The following DENND2C variants were observed in gnomAD, a reference collection of about 807,000 sequenced individuals.
The protein encoded by DENND2C is DENN domain containing 2C, also known as DENN domain-containing protein 2C.
In DENND2C, 72 loss-of-function variants were observed where a neutral mutation model predicts 112.4. That is an observed-to-expected ratio of 0.64 (90% CI 0.53 to 0.78). The LOEUF is 0.78. DENND2C is among the 30% of genes least tolerant of loss of function. DENND2C has a pLI of 0.00. For missense variants in DENND2C, 992 were observed against 1,113.8 expected (o/e 0.89, Z 1.56); for synonymous variants, 329 against 381.6 (o/e 0.86, Z 1.61).
At chr1:114,598,708 G>A (rs771743021) in intron 16 of DENND2C, among the ~76,000 whole-genome samples, 16 of 152,098 alleles carry the variant, frequency 1.1e-4, no homozygotes, top group Admixed American at 5.2e-4. Context: ...TTGAGACAGC[G>A]TCTCCCTCTG....
intron 3 of DENND2C, among the ~76,000 whole-genome samples, chr1:114,639,631 T>C (rs1449569463): frequency 9.9e-5 from 15 of 151,746 alleles, no homozygotes; most frequent in Admixed American, 8.5e-4. Flanking sequence ...ATTTATCAGC[T>C]CTTAATTTTC....
At chr1:114,585,685 A>G in intron 20 of DENND2C, 54 bp from the exon 21 acceptor site, 1 of 1,573,496 alleles carries the variant, frequency 6.4e-7, no homozygotes, top group Non-Finnish European at 8.7e-7. Flanking sequence ...TTTATTGTAC[A>G]TTATTTGAGG....
chr1:114,662,611 C>G (rs373564388), intron 1 of DENND2C, among the ~76,000 whole-genome samples: 2 of 151,616 alleles, frequency 1.3e-5, no homozygotes, highest in Non-Finnish European at 2.9e-5. Flanking sequence ...TCTGTTTTCA[C>G]GCCACTAACC....
rs780253098 is a variant in DENND2C at position 114,594,585 on chromosome 1, A to G, written c.2326-7T>C. On this transcript the variant is annotated splice_polypyrimidine_tract_variant and splice_region_variant and intron_variant, in intron 17 of 20. Transcript: ENST00000393274. ...TTTCATCCTCATCAGATACCTTAAG[A>G]AGAAAAAAAAATGGAGATTTTTCTT... 3.0e-5 allele frequency: 48 copies of G among 1,607,456 alleles called. 1 individual carries two copies. In the East Asian group the frequency reaches 1.0e-3, roughly 34 times the overall value.
Position 114,608,773 on chromosome 1 carries a change from C to T in DENND2C, c.1470G>A (p.Leu490=). 1.2e-6 allele frequency: 2 copies of T among 1,614,212 alleles called. No individual in the cohort carries two copies. The highest frequency in any genetic ancestry group is 1.7e-6 in the Non-Finnish European group (2 of 1,180,042). The change falls in exon 10 of 21, where the codon CTG becomes CTA. Residue 490 remains leucine (L), a synonymous_variant. Transcript: ENST00000393274. ...RDLIELQEQQ[L]FELFVVVSLQ... ...GAGACACCACCACAAAAAGTTCAAA[C>T]AGCTGCTGCTCCTGTAATTCAATAA...
Position 114,625,841 on chromosome 1 carries a change from C to T in DENND2C, c.144G>A (p.Val48=), listed in dbSNP as rs1656325918. ...GGATCTCTTGGTGACAGTTATATCT[C>T]ACTCCAAAGTCCTTTGGACACCACT... ...PEKWCPKDFG[V]RYNCHQEIRL... The change falls in exon 4 of 21, where the codon GTG becomes GTA. Residue 48 remains valine, a synonymous_variant. Coordinates refer to ENST00000393274, the MANE Select transcript of DENND2C (RefSeq NM_001256404.2). 2 of 1,613,962 alleles carry T rather than the reference C, an allele frequency of 1.2e-6. No individual in the cohort carries two copies. The highest frequency in any genetic ancestry group is 2.7e-5 in the African/African-American group (2 of 74,908).
At chr1:114,600,156 A>C (rs1398371343) in intron 15 of DENND2C, 48 bp downstream of exon 15, 8 of 1,564,154 alleles carry the variant, frequency 5.1e-6, no homozygotes, top group Non-Finnish European at 6.9e-6. Flanking sequence ...TAAAATTTGG[A>C]ACAAATAAAA....
At position 114,594,590 on chromosome 1, in the gene DENND2C, A is replaced by G; in HGVS notation, c.2326-12T>C. ...TCCTCATCAGATACCTTAAGAAGAA[A>G]AAAAAATGGAGATTTTTCTTTGTTT... On this transcript the variant is annotated splice_polypyrimidine_tract_variant and intron_variant, in intron 17 of 20. Coordinates refer to ENST00000393274, the MANE Select transcript of DENND2C (RefSeq NM_001256404.2). 1.2e-6 allele frequency: 2 copies of G among 1,602,310 alleles called. No homozygotes were observed. Among genetic ancestry groups the G allele is most frequent in the Non-Finnish European group, 1.7e-6 (2 of 1,172,586 alleles).
At chr1:114,603,389 T>C (rs1655572304) in intron 11 of DENND2C, among the ~76,000 whole-genome samples, 1 of 152,106 alleles carries the variant, frequency 6.6e-6, no homozygotes, top group African/African-American at 2.4e-5. Context: ...TCCACCCGCC[T>C]TGGCCTGGGA....
At chr1:114,663,885 A>G (rs1227578673) in intron 1 of DENND2C, among the ~76,000 whole-genome samples, 1 of 151,964 alleles carries the variant, frequency 6.6e-6, no homozygotes, top group South Asian at 2.1e-4. Context: ...CAAAATATTA[A>G]TATTTGCTAT....
At chr1:114,650,673 C>CAAAA (rs58693255) in intron 2 of DENND2C, among the ~76,000 whole-genome samples, 24 of 61,536 alleles carry the variant, frequency 3.9e-4, no homozygotes, top group Admixed American at 9.3e-4. Flanking sequence ...GACTCCGTCT[C>CAAAA]AAAAAAAAAA....
intron 2 of DENND2C, among the ~76,000 whole-genome samples, chr1:114,650,777 TC>T (rs1295687952): frequency 6.6e-6 from 1 of 152,164 alleles, no homozygotes; most frequent in Non-Finnish European, 1.5e-5. Flanking sequence ...TCTATTTCAT[TC>T]TAAAGCTTAA....
intron 18 of DENND2C, among the ~76,000 whole-genome samples, chr1:114,591,878 ATTT>A (rs869163025): frequency 5.2e-4 from 72 of 138,322 alleles, no homozygotes; most frequent in African/African-American, 1.6e-3. Context: ...TATTATTATT[ATTT>A]TTATTATTAT....
rs1332506388 is a variant in DENND2C at position 114,654,528 on chromosome 1, TATTGAACACCCACTTC to T, written c.-356_-341del. 1 of 152,192 alleles carries T rather than the reference TATTGAACACCCACTTC, an allele frequency of 6.6e-6. No individual in the cohort carries two copies. 9.4% of individuals were successfully genotyped at this position (152,192 alleles called of 1,614,324 possible). On this transcript the variant is annotated 5_prime_UTR_variant, in exon 2 of 21. An upstream start codon of the reference 5' UTR is lost. Coordinates refer to ENST00000393274, the MANE Select transcript of DENND2C (RefSeq NM_001256404.2). ...ACTTTTTAAAGATTCATCAAATACT[TATTGAACACCCACTTC>T]ATACAGAGTATTGTGAGAATTAAAA...
At chr1:114,595,743 T>C in intron 17 of DENND2C, 89 bp downstream of exon 17, 1 of 1,231,218 alleles carries the variant, frequency 8.1e-7, no homozygotes, top group South Asian at 1.2e-5. Context: ...TGAGTCATAT[T>C]CTCTAAGTAC....
chr1:114,623,790 C>T, intron 4 of DENND2C, 147 bp from the exon 5 acceptor site: 4 of 721,042 alleles, frequency 5.5e-6, no homozygotes, highest in Non-Finnish European at 8.3e-6. Context: ...GGCTAGAGTT[C>T]AGTGGCACAG....
intron 3 of DENND2C, among the ~76,000 whole-genome samples, chr1:114,637,344 T>A (rs1448696963): frequency 7.4e-6 from 1 of 135,224 alleles, no homozygotes; most frequent in Admixed American, 8.1e-5. Flanking sequence ...AACTCTAGAC[T>A]GGGCAACAGA....
rs1454704485 is a variant in DENND2C, at chr1:114,587,714, A to C, written c.2668+2T>G. The stretch of plus-strand genomic sequence containing the variant: ...GAGGGAGAACTTTATAATGAAACTG[A>C]CCTTTAACTCCACTTTTCCGAAGCT... On this transcript the variant is annotated splice_donor_variant, in intron 19 of 20. Transcript: ENST00000393274. LOFTEE classifies it high-confidence loss of function. 6.2e-7 allele frequency: 1 copy of C among 1,601,590 alleles called. No homozygotes were observed. Among genetic ancestry groups the C allele is most frequent in the Non-Finnish European group, 8.5e-7 (1 of 1,172,972 alleles).
intron 9 of DENND2C, among the ~76,000 whole-genome samples, chr1:114,610,858 T>C (rs1452825934): frequency 1.3e-5 from 2 of 152,172 alleles, no homozygotes; most frequent in Non-Finnish European, 2.9e-5. Flanking sequence ...TTTGCCTCAC[T>C]CCACTATGGG....
Sources: gnomAD v4.1 joint callset for allele counts (sites outside exome capture counted in the v4.1 genomes callset) on GRCh38, gnomAD v4.1.1 for gene constraint, MANE v1.5 for transcripts, NCBI Gene and HGNC (gene_info 2026-07-23, HGNC 2026-07-21) for gene names.